BSCL2: variants seen among roughly 807,000 people sequenced by gnomAD.
BSCL2 encodes seipin.
Under a neutral mutation model 57.4 loss-of-function variants are expected in BSCL2, and 41 were observed. The observed-to-expected ratio is 0.71, with a 90% CI of 0.56 to 0.93. The LOEUF (loss-of-function observed/expected upper bound fraction) is 0.93. Among genes scored for constraint, BSCL2 ranks in the 40% least tolerant of loss-of-function variants. The pLI is 0.00. For missense variants in BSCL2, 539 were observed against 586.7 expected, an observed-to-expected ratio of 0.92 and a Z score of 0.84; for synonymous variants, 237 against 227.3, an observed-to-expected ratio of 1.04 and a Z score of -0.38.
chr11:62,694,687 G>T lies in BSCL2; in HGVS notation c.511C>A (p.Arg171Ser). ...DRVLMYGQPY[R>S]VTLELELPES... ...GGCAGCTCAAGCTCTAAGGTAACAC[G>T]ATACGGCTGTCCATACATCAGCACC... is the stretch of plus-strand genomic sequence containing the variant. Residue 171 changes from arginine to serine, a missense_variant, in exon 4 of 11, where the codon CGT becomes AGT. Physicochemically the swap from Arg to Ser is moderately radical, Grantham distance 110 (BLOSUM62 -1). Around this residue, in one of 3 missense-constraint regions of BSCL2, gnomAD observed 218 missense variants for 224.8 expected, o/e 0.97. Transcript: ENST00000360796. The T allele has an allele frequency of 6.2e-7, 1 of 1,614,078 alleles. No homozygotes were observed. The highest frequency in any genetic ancestry group is 8.5e-7 in the Non-Finnish European group (1 of 1,180,008).
chr11:62,708,703 T>C, upstream of BSCL2: 1 of 1,614,064 alleles, frequency 6.2e-7, no homozygotes, highest in Non-Finnish European at 8.5e-7. Flanking sequence ...GCAGACCTGA[T>C]GACTTACTGT....
chr11:62,690,644 C>T lies in BSCL2; in HGVS notation c.1202G>A (p.Gly401Glu), dbSNP rs767463971. ...EEKPDQQPLS[G>E]EEELEPEASD... ...GGCCTCAGGCTCTAGCTCCTCTTCT[C>T]CGCTCAGGGGCTGCTGATCTGGTTT... Residue 401 changes from glycine (G) to glutamate (E), a missense_variant, in exon 10 of 11, where the codon GGA (glycine) becomes GAA (glutamate). Around this residue, in one of 3 missense-constraint regions of BSCL2, gnomAD observed 248 missense variants for 239.9 expected, o/e 1.03. Transcript: ENST00000360796. The T allele has an allele frequency of 2.8e-5, 45 of 1,613,840 alleles. No individual in the cohort carries two copies. Among genetic ancestry groups the T allele is most frequent in the Admixed American group, 3.3e-5 (2 of 60,010 alleles).
At chr11:62,707,459 T>A, upstream of BSCL2, 2 of 686,196 alleles carry the variant, frequency 2.9e-6, no homozygotes, top group South Asian at 1.5e-5. Context: ...CAGACTCCAC[T>A]GCAGGGGCCG....
Position 62,692,367 on chromosome 11 carries a change from G to A in BSCL2, c.863+9C>T. On this transcript the variant is annotated intron_variant, in intron 6 of 10. Coordinates refer to ENST00000360796, the MANE Select transcript of BSCL2 (RefSeq NM_001122955.4). ...AGTTGCCCAAGGTTCACTCCAGTTG[G>A]CCCCTCACCTGAGCCCAGTGAAGTG... The A allele has an allele frequency of 6.2e-7, 1 of 1,613,884 alleles. No individual in the cohort carries two copies. Among genetic ancestry groups the A allele is most frequent in the Non-Finnish European group, 8.5e-7 (1 of 1,179,812 alleles).
rs113336810 is a variant in BSCL2 at position 62,691,076 on chromosome 11, T to C, written c.1071A>G (p.Pro357=). 74 of 1,614,114 alleles carry C rather than the reference T, an allele frequency of 4.6e-5. No homozygotes were observed. The highest frequency in any genetic ancestry group is 5.7e-5 in the Non-Finnish European group (67 of 1,180,052). ...EVQRRISAHQ[P]GPEGQEESTP... Reference sequence around the variant, plus strand: ...CAGCTCCCCAGCCAACACCTTTACCTGGCTGATGAGCAGAGATCCTTCGTT... The same window carrying C: ...CAGCTCCCCAGCCAACACCTTTACCCGGCTGATGAGCAGAGATCCTTCGTT... Residue 357 remains proline, a splice_region_variant and synonymous_variant, in exon 8 of 11, where the codon CCA becomes CCG. Transcript: ENST00000360796.
chr11:62,692,037 G>A (rs1945325294), intron 6 of BSCL2, among the ~76,000 whole-genome samples: 1 of 138,358 alleles, frequency 7.2e-6, no homozygotes, highest in African/African-American at 2.7e-5. Context: ...AGGCAACAGA[G>A]CAAGACCCCC....
chr11:62,692,215 G>A (rs1590870406), intron 6 of BSCL2, among the ~76,000 whole-genome samples, 161 bp downstream of exon 6: 1 of 152,236 alleles, frequency 6.6e-6, no homozygotes, highest in Non-Finnish European at 1.5e-5. Context: ...GTTCCCCAGG[G>A]AGCTGATAGG....
At chr11:62,701,140 G>A (rs980602951) in intron 3 of BSCL2, among the ~76,000 whole-genome samples, 1 of 152,098 alleles carries the variant, frequency 6.6e-6, no homozygotes, top group Non-Finnish European at 1.5e-5. Context: ...GTTTCATAAT[G>A]TTATATAAAT....
At chr11:62,694,350 T>C (rs1021654614) in intron 4 of BSCL2, among the ~76,000 whole-genome samples, 6 of 151,652 alleles carry the variant, frequency 4.0e-5, no homozygotes, top group African/African-American at 1.2e-4. Flanking sequence ...ACTACAGCCG[T>C]GAGCCACCAT....
At chr11:62,708,387 G>A (rs2083578822), upstream of BSCL2, 2 of 1,610,408 alleles carry the variant, frequency 1.2e-6, no homozygotes, top group African/African-American at 1.3e-5. Context: ...AGCTTGTGTC[G>A]GATAAAGGTA....
At chr11:62,706,298 TCCGGCTCCCGGGGAAGTCCCG>T (rs2083534228) in intron 1 of BSCL2, 1 of 1,116,718 alleles carries the variant, frequency 9.0e-7, no homozygotes, top group African/African-American at 1.7e-5. Context: ...AGACGGGACT[TCCGGCTCCCGGGGAAGTCCCG>T]CCCCTCTCCG....
At chr11:62,707,665 C>G (rs2083565265), upstream of BSCL2, 1 of 430,332 alleles carries the variant, frequency 2.3e-6, no homozygotes, top group South Asian at 2.2e-5. Context: ...GCTCCAGGAT[C>G]TGAGCAGCTC....
At position 62,690,654 on chromosome 11, in the gene BSCL2, G is replaced by C. The variant is rs1945282865; in HGVS notation, c.1192C>G (p.Pro398Ala). The C allele has an allele frequency of 1.9e-6, 3 of 1,613,758 alleles. No homozygotes were observed. In the African/African-American group the frequency reaches 4.0e-5, roughly 22 times the overall value. Residue 398 changes from proline to alanine, a missense_variant, in exon 10 of 11, where the codon CCC (proline) becomes GCC (alanine). Pro to Ala is a conservative substitution (Grantham distance 27). This residue lies in a region of BSCL2 where 248 missense variants were observed against 239.9 expected (regional missense o/e 1.03). Transcript: ENST00000360796. ...LSEEEKPDQQ[P>A]LSGEEELEPE... is the part of the protein sequence containing the mutation. ...TCTAGCTCCTCTTCTCCGCTCAGGG[G>C]CTGCTGATCTGGTTTCTCCTCCTCG...
intron 1 of BSCL2, among the ~76,000 whole-genome samples, chr11:62,706,893 G>T (rs1178025341): frequency 6.6e-6 from 1 of 152,160 alleles, no homozygotes; most frequent in East Asian, 1.9e-4. Context: ...CTAGCTTTTG[G>T]CAGTCTTCTA....
At chr11:62,706,462 T>G in intron 1 of BSCL2, 1 of 405,724 alleles carries the variant, frequency 2.5e-6, no homozygotes, top group Non-Finnish European at 4.5e-6. Flanking sequence ...CCACTGGCTC[T>G]CTCTGCGGCA....
rs1158877277 is a variant in BSCL2 at position 62,690,869 on chromosome 11, T to A, written c.1073-2A>T. ...TTGACTCCTCCTGGCCTTCAGGCCC[T>A]GCACCTCCAAAGAGGGAGAGGACAG... On this transcript the variant is annotated splice_acceptor_variant, in intron 8 of 10. Coordinates refer to ENST00000360796, the MANE Select transcript of BSCL2 (RefSeq NM_001122955.4). LOFTEE classifies it high-confidence loss of function. 6.2e-7 allele frequency: 1 copy of A among 1,613,328 alleles called. No homozygotes were observed. Among genetic ancestry groups the A allele is most frequent in the Non-Finnish European group, 8.5e-7 (1 of 1,179,822 alleles).
intron 7 of BSCL2, 30 bp downstream of exon 7, chr11:62,691,250 G>A: frequency 6.2e-7 from 1 of 1,614,114 alleles, no homozygotes; most frequent in Non-Finnish European, 8.5e-7. Flanking sequence ...AAGATCAAAG[G>A]GACAAAAGGG....
chr11:62,702,073 T>TC (rs967932955), intron 3 of BSCL2, among the ~76,000 whole-genome samples: 2 of 9,082 alleles, frequency 2.2e-4, no homozygotes, highest in Admixed American at 4.8e-3. Flanking sequence ...CTTAGTCTCC[T>TC]TTTTTTTTTT....
chr11:62,694,240 G>T (rs1471296594), intron 4 of BSCL2, among the ~76,000 whole-genome samples: 1 of 103,852 alleles, frequency 9.6e-6, no homozygotes, highest in Non-Finnish European at 1.7e-5. Flanking sequence ...GTCTTGCTCT[G>T]TTGCCCAGGA....
Sources: gnomAD v4.1 joint callset for allele counts (sites outside exome capture counted in the v4.1 genomes callset) on GRCh38, gnomAD v4.1.1 for gene constraint, gnomAD v4.1.1 regional missense constraint, MANE v1.5 for transcripts, NCBI Gene and HGNC (gene_info 2026-07-23, HGNC 2026-07-21) for gene names.